The following KIAA1549 variants were observed in gnomAD, a reference collection of about 807,000 sequenced individuals.
The protein encoded by KIAA1549 is KIAA1549, also known as UPF0606 protein KIAA1549.
A neutral mutation model predicts 156.4 loss-of-function variants in KIAA1549; 70 were observed. The ratio of observed to expected loss-of-function variants is 0.45; its 90% CI spans 0.37 to 0.55. The LOEUF (loss-of-function observed/expected upper bound fraction) is 0.55. Among genes scored for constraint, KIAA1549 ranks in the 20% least tolerant of loss-of-function variants. The probability of loss-of-function intolerance (pLI) is 0.00; values close to 1 mark genes in which losing one functional copy is unlikely to be tolerated. For missense variants in KIAA1549, 2,428 were observed against 2,540.9 expected (o/e 0.96, Z 0.96); for synonymous variants, 1,103 against 1,066.4 (o/e 1.03, Z -0.67).
intron 8 of KIAA1549, among the ~76,000 whole-genome samples, chr7:138,902,859 G>C (rs942501257): frequency 1.3e-5 from 2 of 152,028 alleles, no homozygotes; most frequent in African/African-American, 4.8e-5. Flanking sequence ...GCTACAAAAG[G>C]ATGTATGCAG....
intron 15 of KIAA1549, among the ~76,000 whole-genome samples, chr7:138,864,376 A>G (rs983436906): frequency 2.6e-5 from 4 of 152,108 alleles, no homozygotes; most frequent in South Asian, 2.1e-4. Flanking sequence ...TGGATTCCCA[A>G]TGGCCCCCGT....
rs1440652457 is a variant in KIAA1549, at chr7:138,861,408, G to A, written c.4978C>T (p.Leu1660=). 5 of 1,612,280 alleles carry A rather than the reference G, an allele frequency of 3.1e-6. No individual in the cohort carries two copies. Among genetic ancestry groups the A allele is most frequent in the Admixed American group, 1.7e-5 (1 of 59,564 alleles). Residue 1660 remains leucine, a synonymous_variant, in exon 16 of 20, where the codon CTG becomes TTG. Transcript: ENST00000422774. ...AAGGGAAGGGCTGGATACCTCCCCAGTTCCACCGAGGATGGTGTCTGCACA... is the reference window on the plus strand; with the variant it reads ...AAGGGAAGGGCTGGATACCTCCCCAATTCCACCGAGGATGGTGTCTGCACA... ...ADVQTPSSVE[L]GRYPALPFPA...
intron 1 of KIAA1549, among the ~76,000 whole-genome samples, chr7:138,945,941 C>T (rs1813323734): frequency 6.6e-6 from 1 of 152,040 alleles, no homozygotes; most frequent in South Asian, 2.1e-4. Flanking sequence ...AATAGAATGT[C>T]CACAATTGAG....
At chr7:138,855,121 A>G (rs1196229699) in intron 16 of KIAA1549, among the ~76,000 whole-genome samples, 1 of 152,178 alleles carries the variant, frequency 6.6e-6, no homozygotes, top group Non-Finnish European at 1.5e-5. Flanking sequence ...GGGAGGGGGA[A>G]TCAGGAAAAG....
chr7:138,926,199 A>G (rs1812712908), intron 1 of KIAA1549, among the ~76,000 whole-genome samples: 1 of 152,228 alleles, frequency 6.6e-6, no homozygotes, highest in African/African-American at 2.4e-5. Context: ...CCTGGCCCCC[A>G]GGATTTCTAA....
At chr7:138,914,643 C>T (rs1812265718) in intron 2 of KIAA1549, among the ~76,000 whole-genome samples, 1 of 152,152 alleles carries the variant, frequency 6.6e-6, no homozygotes, top group Admixed American at 6.5e-5. Flanking sequence ...AGAAATGAGC[C>T]GATACTTCCT....
At chr7:138,842,635 G>C (rs1809956503) in intron 18 of KIAA1549, among the ~76,000 whole-genome samples, 1 of 151,414 alleles carries the variant, frequency 6.6e-6, no homozygotes, top group Non-Finnish European at 1.5e-5. Context: ...GGAGGTTGCA[G>C]TGCGCCGAGA....
rs540823187 is a variant in KIAA1549 at position 138,909,505 on chromosome 7, C to T, written c.3146-384G>A. On this transcript the variant is annotated intron_variant, in intron 4 of 19. Coordinates refer to ENST00000422774, the MANE Select transcript of KIAA1549 (RefSeq NM_001164665.2). ...GAAAACACTCTAGTGTCCACAAAAA[C>T]GTTCACAGGGGATAGATGAAACAAA... 4.6e-5 allele frequency among the ~76,000 whole-genome samples: 7 copies of T among 152,224 alleles called. No individual in the cohort carries two copies. In the East Asian group the frequency reaches 7.7e-4, roughly 17 times the overall value.
intron 17 of KIAA1549, among the ~76,000 whole-genome samples, chr7:138,846,916 T>C (rs1810094650): frequency 6.6e-6 from 1 of 152,222 alleles, no homozygotes; most frequent in Non-Finnish European, 1.5e-5. Flanking sequence ...CCAGGCTACC[T>C]ATGTAACTCT....
intron 10 of KIAA1549, among the ~76,000 whole-genome samples, chr7:138,885,959 T>C (rs929415554): frequency 5.3e-5 from 8 of 152,092 alleles, no homozygotes; most frequent in Non-Finnish European, 8.8e-5. Context: ...CAGTGGACAG[T>C]GTCGGAACTG....
In KIAA1549 at chr7:138,904,911, G is replaced by A. The variant is rs932776349; in HGVS notation, c.3520+111C>T. The A allele has an allele frequency of 4.5e-6, 3 of 665,392 alleles. No individual in the cohort carries two copies. The African/African-American group carries it at 5.5e-5, about 12-fold the overall frequency. 41.2% of individuals were successfully genotyped at this position (665,392 alleles called of 1,614,324 possible). A position where few individuals can be genotyped will look rare whatever the true frequency, so the allele number is the denominator to read the frequency against. On this transcript the variant is annotated intron_variant, in intron 7 of 19. Coordinates refer to ENST00000422774, the MANE Select transcript of KIAA1549 (RefSeq NM_001164665.2). The stretch of plus-strand genomic sequence containing the variant: ...CATTCATTCTTTGCCAAGAATGTAA[G>A]GTACATTTTGCCCTAAATTTAGGAA...
rs1809786481 is a variant in KIAA1549, at chr7:138,837,968, T to C, written c.5791A>G (p.Ile1931Val). ...GHSSASLIKA[I>V]REELLRLSQK... The stretch of plus-strand genomic sequence containing the variant: ...GAGAGCCGGAGGAGCTCCTCGCGGA[T>C]TGCTTTGATGAGAGAGGCCGAGGAG... Residue 1931 changes from isoleucine to valine, a missense_variant, in exon 20 of 20, where the codon ATC becomes GTC. Transcript: ENST00000422774. 2 of 1,613,806 alleles carry C rather than the reference T, an allele frequency of 1.2e-6. No homozygotes were observed. The highest frequency in any genetic ancestry group is 1.7e-6 in the Non-Finnish European group (2 of 1,179,850).
chr7:138,902,646 A>ATAAT (rs1300748877), intron 8 of KIAA1549, among the ~76,000 whole-genome samples: 2 of 152,098 alleles, frequency 1.3e-5, no homozygotes, highest in Admixed American at 6.5e-5. Flanking sequence ...AAGATTTAGG[A>ATAAT]TAATATGAGA....
intron 1 of KIAA1549, among the ~76,000 whole-genome samples, chr7:138,945,285 G>C (rs11975499): frequency 6.6e-6 from 1 of 151,972 alleles, no homozygotes; most frequent in Non-Finnish European, 1.5e-5. Flanking sequence ...GTGCCTTAGC[G>C]CCAGCCACTG....
intron 1 of KIAA1549, among the ~76,000 whole-genome samples, chr7:138,943,590 C>G (rs1813248271): frequency 6.6e-6 from 1 of 152,182 alleles, no homozygotes; most frequent in South Asian, 2.1e-4. Flanking sequence ...TGGCTCACGC[C>G]TGTAATCCCA....
intron 1 of KIAA1549, among the ~76,000 whole-genome samples, chr7:138,958,675 T>A (rs1220645381): frequency 6.6e-6 from 1 of 152,122 alleles, no homozygotes; most frequent in Non-Finnish European, 1.5e-5. Context: ...CTGTCTCACA[T>A]CAGCTACTCT....
At chr7:138,940,138 A>G (rs1813136118) in intron 1 of KIAA1549, among the ~76,000 whole-genome samples, 1 of 152,126 alleles carries the variant, frequency 6.6e-6, no homozygotes, top group East Asian at 1.9e-4. Context: ...TATATTAGGT[A>G]TATCTCCCAA....
chr7:138,969,476 A>C (rs530226094), intron 1 of KIAA1549, among the ~76,000 whole-genome samples: 2 of 152,338 alleles, frequency 1.3e-5, no homozygotes, highest in South Asian at 4.1e-4. Flanking sequence ...TTCCTTTTTA[A>C]GGCTGAACGA....
At chr7:138,957,709 C>T (rs893010565) in intron 1 of KIAA1549, among the ~76,000 whole-genome samples, 5 of 152,124 alleles carry the variant, frequency 3.3e-5, no homozygotes, top group South Asian at 2.1e-4. Context: ...AACTCCTGAC[C>T]GCAGCTGATC....
Sources: gnomAD v4.1 joint callset for allele counts (sites outside exome capture counted in the v4.1 genomes callset) on GRCh38, gnomAD v4.1.1 for gene constraint, MANE v1.5 for transcripts, NCBI Gene and HGNC (gene_info 2026-07-23, HGNC 2026-07-21) for gene names.